RAD51C: variants seen among roughly 807,000 people sequenced by gnomAD.
RAD51C encodes DNA repair protein RAD51 homolog 3.
A neutral mutation model predicts 45.0 loss-of-function variants in RAD51C; 42 were observed. The observed-to-expected ratio is 0.93, with a 90% CI of 0.73 to 1.21. The LOEUF (loss-of-function observed/expected upper bound fraction) is 1.21. RAD51C is among the 50% of genes most tolerant of loss of function. The pLI is 0.00. For missense variants in RAD51C, 474 were observed against 452.2 expected (o/e 1.05, Z -0.44); for synonymous variants, 172 against 159.8 (o/e 1.08, Z -0.58).
At chr17:58,716,017 C>T (rs1298595300) in intron 5 of RAD51C, among the ~76,000 whole-genome samples, 1 of 151,206 alleles carries the variant, frequency 6.6e-6, no homozygotes, top group Non-Finnish European at 1.5e-5. Flanking sequence ...AGGCAGGAAA[C>T]TCTCTTGAAC....
intron 7 of RAD51C, among the ~76,000 whole-genome samples, chr17:58,729,479 G>T (rs1304141826): frequency 6.6e-6 from 1 of 151,438 alleles, no homozygotes; most frequent in Non-Finnish European, 1.5e-5. Flanking sequence ...CCTCCCAAAG[G>T]GCTGGGATTA....
At chr17:58,717,456 C>T (rs752418449) in intron 5 of RAD51C, among the ~76,000 whole-genome samples, 46 of 150,248 alleles carry the variant, frequency 3.1e-4, no homozygotes, top group Admixed American at 2.0e-4. Context: ...GAAAAGCTGC[C>T]GGCCGGGTGT....
intron 4 of RAD51C, 58 bp from the exon 5 acceptor site, chr17:58,709,801 T>A (rs1467147016): frequency 5.6e-5 from 84 of 1,495,648 alleles, no homozygotes; most frequent in Non-Finnish European, 2.7e-5. Flanking sequence ...AGAGAGCATT[T>A]TTATTATTAT....
At chr17:58,705,265 G>A (rs2048339443) in intron 4 of RAD51C, among the ~76,000 whole-genome samples, 1 of 151,836 alleles carries the variant, frequency 6.6e-6, no homozygotes, top group South Asian at 2.1e-4. Flanking sequence ...CTTGCAGACA[G>A]CCATCTTTTC....
chr17:58,723,418 A>G (rs563161364), intron 6 of RAD51C, among the ~76,000 whole-genome samples: 1 of 152,242 alleles, frequency 6.6e-6, no homozygotes, highest in South Asian at 2.1e-4. Context: ...GCTCAGACTG[A>G]CAAATGGAAC....
At chr17:58,708,937 T>G (rs949423508) in intron 4 of RAD51C, among the ~76,000 whole-genome samples, 1 of 152,100 alleles carries the variant, frequency 6.6e-6, no homozygotes, top group African/African-American at 2.4e-5. Flanking sequence ...AAAATTGGTA[T>G]ATTTAATTGA....
intron 4 of RAD51C, 73 bp from the exon 5 acceptor site, chr17:58,709,786 G>A (rs2143848341): frequency 7.2e-7 from 1 of 1,383,082 alleles, no homozygotes; most frequent in Non-Finnish European, 1.0e-6. Flanking sequence ...TGCTCTCTTG[G>A]AGAGAGAGAG....
chr17:58,692,598 G>A (rs752117032), upstream of RAD51C: 16 of 1,611,754 alleles, frequency 9.9e-6, no homozygotes, highest in Admixed American at 1.7e-5. Flanking sequence ...GCCCCAGCGA[G>A]GGCGTGCGGA....
intron 7 of RAD51C, among the ~76,000 whole-genome samples, chr17:58,730,058 G>C (rs1300813534): frequency 6.6e-6 from 1 of 151,846 alleles, no homozygotes; most frequent in Non-Finnish European, 1.5e-5. Flanking sequence ...AATAAGGCAG[G>C]TTAAAATACA....
intron 4 of RAD51C, among the ~76,000 whole-genome samples, chr17:58,703,882 T>C (rs1456969978): frequency 6.8e-6 from 1 of 147,680 alleles, no homozygotes; most frequent in Non-Finnish European, 1.5e-5. Context: ...GAGGATTGCT[T>C]GAGCCCAGCA....
intron 5 of RAD51C, among the ~76,000 whole-genome samples, chr17:58,712,961 A>C (rs909703585): frequency 6.6e-6 from 1 of 152,158 alleles, no homozygotes; most frequent in Non-Finnish European, 1.5e-5. Context: ...CATCGCTACA[A>C]ATTTTTAAAA....
intron 7 of RAD51C, among the ~76,000 whole-genome samples, chr17:58,731,510 T>C (rs1411981130): frequency 6.6e-6 from 1 of 152,106 alleles, no homozygotes; most frequent in Non-Finnish European, 1.5e-5. Flanking sequence ...CTGCCTGCCT[T>C]GGCCTCCCAA....
At chr17:58,695,363 G>A in intron 2 of RAD51C, 174 bp downstream of exon 2, 2 of 1,374,008 alleles carry the variant, frequency 1.5e-6, no homozygotes, top group Non-Finnish European at 1.9e-6. Flanking sequence ...ATCCCTTCTT[G>A]ATAAATGTAT....
At position 58,735,518 on chromosome 17, in the gene RAD51C, C is replaced by T. The variant is rs1056111302; in HGVS notation, c.*1296C>T. On this transcript the variant is annotated 3_prime_UTR_variant, in exon 9 of 9. Coordinates refer to ENST00000337432, the MANE Select transcript of RAD51C (RefSeq NM_058216.3). ...GGCCTCATTTCTATATTTTGAAACA[C>T]GGTATGATCCATTCTAGAATTCTAG... 6 of 151,970 alleles carry T rather than the reference C, an allele frequency of 3.9e-5. No individual in the cohort carries two copies. The highest frequency in any genetic ancestry group is 9.7e-5 in the African/African-American group (4 of 41,374). 9.4% of individuals were successfully genotyped at this position (151,970 alleles called of 1,614,324 possible). A position where few individuals can be genotyped will look rare whatever the true frequency, so the allele number is the denominator to read the frequency against.
intron 5 of RAD51C, among the ~76,000 whole-genome samples, chr17:58,713,894 T>C (rs2048640961): frequency 6.6e-6 from 1 of 152,090 alleles, no homozygotes; most frequent in South Asian, 2.1e-4. Flanking sequence ...GCTTAAGGGA[T>C]CCATCTGCTT....
intron 1 of RAD51C, 76 bp downstream of exon 1, chr17:58,692,864 G>T (rs1344477325): frequency 6.2e-7 from 1 of 1,605,044 alleles, no homozygotes; most frequent in African/African-American, 1.3e-5. Context: ...TCTCGCCTCG[G>T]CCTTCAGCCC....
chr17:58,717,636 T>C (rs2048786262), intron 5 of RAD51C, among the ~76,000 whole-genome samples: 1 of 152,106 alleles, frequency 6.6e-6, no homozygotes, highest in African/African-American at 2.4e-5. Context: ...CTCATGAGGC[T>C]GAGGCAGGGG....
chr17:58,712,115 G>GAGGTGGGCGGATCATGAGGTC (rs1172912736), intron 5 of RAD51C, among the ~76,000 whole-genome samples: 2 of 151,936 alleles, frequency 1.3e-5, no homozygotes, highest in Non-Finnish European at 2.9e-5. Context: ...TTGGGAGACT[G>GAGGTGGGCGGATCATGAGGTC]AGGTGGGCGG....
chr17:58,728,457 GTGCAATCTCAGCTCAC>G (rs2049263191), intron 7 of RAD51C, among the ~76,000 whole-genome samples: 1 of 148,152 alleles, frequency 6.7e-6, no homozygotes, highest in African/African-American at 2.5e-5. Flanking sequence ...GAGTGCAGTG[GTGCAATCTCAGCTCAC>G]TGCAACCTCA....
Sources: allele counts gnomAD v4.1 joint callset (sites outside exome capture counted in the v4.1 genomes callset), GRCh38; gene constraint gnomAD v4.1.1; transcripts MANE v1.5; gene names NCBI Gene and HGNC (gene_info 2026-07-23, HGNC 2026-07-21).